Variants in PHF24 observed in about 807,000 individuals in gnomAD.
PHF24 encodes Galpha inhibitory interacting protein.
A neutral mutation model predicts 42.6 loss-of-function variants in PHF24; 25 were observed. The ratio of observed to expected loss-of-function variants is 0.59; its 90% CI spans 0.43 to 0.82. The LOEUF (loss-of-function observed/expected upper bound fraction) is 0.82, where lower values mean the gene tolerates loss of function less well. Ranked by LOEUF, PHF24 falls within the 40% of genes least tolerant of loss-of-function variation. The pLI is 0.00. For synonymous variants in PHF24, 185 were observed against 204.8 expected, an observed-to-expected ratio of 0.90 and a Z score of 0.83; for missense variants, 470 against 538.1, an observed-to-expected ratio of 0.87 and a Z score of 1.25.
At chr9:34,964,037 C>A (rs1826685831) in intron 1 of PHF24, among the ~76,000 whole-genome samples, 1 of 152,218 alleles carries the variant, frequency 6.6e-6, no homozygotes, top group South Asian at 2.1e-4. Flanking sequence ...ATACAAAAGA[C>A]ACTTTAATTC....
At chr9:34,693,996 T>C in the PHF24 span, among the ~76,000 whole-genome samples, 70 of 152,138 alleles carry the variant, frequency 4.6e-4, no homozygotes, top group African/African-American at 1.6e-3. Flanking sequence ...CTGGCCAACA[T>C]GGTGAAACCC....
chr9:34,764,110 T>C, the PHF24 span, among the ~76,000 whole-genome samples: 1 of 152,224 alleles, frequency 6.6e-6, no homozygotes, highest in East Asian at 1.9e-4. Flanking sequence ...CAGTATTTTA[T>C]TGAGGATTTT....
At chr9:34,729,626 A>T in the PHF24 span, among the ~76,000 whole-genome samples, 1 of 152,226 alleles carries the variant, frequency 6.6e-6, no homozygotes, top group Non-Finnish European at 1.5e-5. Context: ...TTCAGTCTGT[A>T]GATGAGGGTG....
the PHF24 span, among the ~76,000 whole-genome samples, chr9:34,869,833 G>T: frequency 5.3e-5 from 8 of 151,896 alleles, no homozygotes; most frequent in Non-Finnish European, 1.0e-4. Flanking sequence ...CCCACTTTTT[G>T]AGGTTCTTTT....
the PHF24 span, among the ~76,000 whole-genome samples, chr9:34,729,997 G>A: frequency 2.0e-5 from 3 of 152,144 alleles, no homozygotes; most frequent in African/African-American, 7.2e-5. Flanking sequence ...AGGGTGGTAG[G>A]GAGAGGCCAA....
At chr9:34,688,998 A>G in the PHF24 span, among the ~76,000 whole-genome samples, 1 of 152,220 alleles carries the variant, frequency 6.6e-6, no homozygotes, top group Non-Finnish European at 1.5e-5. Flanking sequence ...GCCTGGGGTC[A>G]GGGAAGGCTT....
chr9:34,817,651 C>T, the PHF24 span, among the ~76,000 whole-genome samples: 7 of 152,090 alleles, frequency 4.6e-5, no homozygotes, highest in Non-Finnish European at 8.8e-5. Context: ...TCTACCAGAG[C>T]GTGGCTTGTC....
chr9:34,958,792 G>C lies in PHF24; in HGVS notation c.-5+391G>C, dbSNP rs192422913. Reference sequence around the variant, plus strand: ...CATAGGGGAGCCGCAGGAACCTCGAGGTGGTGGAGCCCCCAGAGGGCTCCC... The same window carrying C: ...CATAGGGGAGCCGCAGGAACCTCGACGTGGTGGAGCCCCCAGAGGGCTCCC... On this transcript the variant is annotated intron_variant, in intron 1 of 7. Transcript: ENST00000242315. The surrounding 1 kb of genome is among the most constrained non-coding windows in gnomAD (Gnocchi z 4.5). Among the ~76,000 whole-genome samples, 1 of 152,204 alleles carries C rather than the reference G, an allele frequency of 6.6e-6. No individual in the cohort carries two copies. The highest frequency in any genetic ancestry group is 2.4e-5 in the African/African-American group (1 of 41,458).
chr9:34,950,381 A>C, the PHF24 span, among the ~76,000 whole-genome samples: 2 of 151,374 alleles, frequency 1.3e-5, no homozygotes, highest in Non-Finnish European at 2.9e-5. Flanking sequence ...AATTGAAATC[A>C]TACAGAGTAT....
At chr9:34,846,203 T>C in the PHF24 span, among the ~76,000 whole-genome samples, 1 of 152,222 alleles carries the variant, frequency 6.6e-6, no homozygotes, top group Non-Finnish European at 1.5e-5. Context: ...TGAACTAGTT[T>C]ACAATCCCAC....
chr9:34,977,491 A>G (rs1827237816), intron 6 of PHF24, 55 bp from the exon 7 acceptor site: 2 of 1,523,136 alleles, frequency 1.3e-6, no homozygotes, highest in African/African-American at 1.4e-5. Flanking sequence ...AGAGTTTGGG[A>G]GGGGGCAGGC....
chr9:34,795,143 A>G, the PHF24 span, among the ~76,000 whole-genome samples: 2 of 152,144 alleles, frequency 1.3e-5, no homozygotes, highest in Admixed American at 6.5e-5. Flanking sequence ...CTCATCAGAA[A>G]TCATGGATTT....
chr9:34,980,392 G>A (rs1827348522), exon 8 of PHF24: 1 of 152,286 alleles, frequency 6.6e-6, no homozygotes, highest in Admixed American at 6.5e-5. Flanking sequence ...AACTTCCTGG[G>A]TGAGGGCCTG....
At chr9:34,723,391 C>A in the PHF24 span, 491 of 1,551,596 alleles carry the variant, frequency 3.2e-4, 1 homozygote, top group Non-Finnish European at 4.2e-4. Flanking sequence ...CTGGGCCCAC[C>A]AGCTTCTGAG....
the PHF24 span, among the ~76,000 whole-genome samples, chr9:34,685,559 C>T: frequency 1.3e-5 from 2 of 152,202 alleles, no homozygotes; most frequent in East Asian, 1.9e-4. Flanking sequence ...AACTAGACTT[C>T]CCAGCCCCCA....
chr9:34,978,216 A>G (rs1015448781), exon 8 of PHF24: 3 of 826,272 alleles, frequency 3.6e-6, no homozygotes, highest in Non-Finnish European at 6.0e-6. Context: ...GGGTTGGGAC[A>G]CTGCCAGCGT....
the PHF24 span, among the ~76,000 whole-genome samples, chr9:34,818,438 T>A: frequency 6.6e-6 from 1 of 152,234 alleles, no homozygotes; most frequent in African/African-American, 2.4e-5. Context: ...TTGATCATAC[T>A]GTTTTTTCGT....
At chr9:34,774,935 T>G in the PHF24 span, among the ~76,000 whole-genome samples, 1 of 152,174 alleles carries the variant, frequency 6.6e-6, no homozygotes, top group African/African-American at 2.4e-5. Flanking sequence ...GTGCAGAAAT[T>G]GGAACCCTGG....
At chr9:34,759,894 G>T in the PHF24 span, among the ~76,000 whole-genome samples, 2 of 152,126 alleles carry the variant, frequency 1.3e-5, no homozygotes, top group African/African-American at 4.8e-5. Flanking sequence ...CTTTTTGCAG[G>T]GTAGGCCTTT....
Sources: allele counts gnomAD v4.1 joint callset (sites outside exome capture counted in the v4.1 genomes callset), GRCh38; gene constraint gnomAD v4.1.1; non-coding constraint Gnocchi (gnomAD v3.1); transcripts MANE v1.5; gene names NCBI Gene and HGNC (gene_info 2026-07-23, HGNC 2026-07-21).